PTPRG: variants seen among roughly 807,000 people sequenced by gnomAD.
PTPRG encodes receptor-type tyrosine-protein phosphatase gamma.
A neutral mutation model predicts 165.3 loss-of-function variants in PTPRG; 102 were observed. That is an observed-to-expected ratio of 0.62 (90% CI 0.53 to 0.73). The LOEUF is 0.73. Among genes scored for constraint, PTPRG ranks in the 30% least tolerant of loss-of-function variants. PTPRG has a pLI of 0.00. For synonymous variants in PTPRG, 675 were observed against 669.5 expected, an observed-to-expected ratio of 1.01 and a Z score of -0.13; for missense variants, 1,866 against 1,861.4, an observed-to-expected ratio of 1.00 and a Z score of -0.05.
At chr3:61,907,890 C>T (rs1490414100) in intron 2 of PTPRG, among the ~76,000 whole-genome samples, 1 of 151,462 alleles carries the variant, frequency 6.6e-6, no homozygotes, top group East Asian at 2.0e-4. Context: ...CTTTGGAGGC[C>T]ATGGTGGGAA....
At chr3:61,866,757 C>A (rs1334106192) in intron 2 of PTPRG, among the ~76,000 whole-genome samples, 1 of 151,850 alleles carries the variant, frequency 6.6e-6, no homozygotes, top group East Asian at 1.9e-4. Flanking sequence ...TGCCACCACG[C>A]CCAGCTAATT....
In PTPRG at chr3:62,039,630, C is replaced by T. The variant is rs143315521; in HGVS notation, c.519+36133C>T. ...TGTACAGAACTATTGTTTACCATCC[C>T]GAGAAGTTAATTTCATAGATAGATC... On this transcript the variant is annotated intron_variant, in intron 4 of 29. Coordinates refer to ENST00000474889, the MANE Select transcript of PTPRG (RefSeq NM_002841.4). Among the ~76,000 whole-genome samples, 19 of 152,162 alleles carry T rather than the reference C, an allele frequency of 1.2e-4. No individual in the cohort carries two copies. In the East Asian group the frequency reaches 2.5e-3, roughly 20 times the overall value.
At chr3:62,017,641 G>T (rs1021985351) in intron 4 of PTPRG, among the ~76,000 whole-genome samples, 17 of 148,592 alleles carry the variant, frequency 1.1e-4, no homozygotes, top group African/African-American at 4.2e-4. Context: ...AGCCAGGATG[G>T]TCTCGATCTC....
At chr3:61,865,526 A>G (rs536255133) in intron 2 of PTPRG, among the ~76,000 whole-genome samples, 67 of 152,284 alleles carry the variant, frequency 4.4e-4, no homozygotes, top group African/African-American at 1.5e-3. Context: ...ATCATTCCCT[A>G]TCACCCTAAG....
chr3:62,029,095 G>C (rs56362286), intron 4 of PTPRG, among the ~76,000 whole-genome samples: 57 of 152,216 alleles, frequency 3.7e-4, no homozygotes, highest in Non-Finnish European at 6.9e-4. Flanking sequence ...GGGGCACTTA[G>C]CAGACTCCCT....
At chr3:61,630,718 C>T (rs1701751101) in intron 1 of PTPRG, among the ~76,000 whole-genome samples, 1 of 152,086 alleles carries the variant, frequency 6.6e-6, no homozygotes, top group South Asian at 2.1e-4. Context: ...CGCACACTTG[C>T]CCCAAAGTGC....
chr3:61,563,097 C>T (rs1042294262), intron 1 of PTPRG, among the ~76,000 whole-genome samples: 6 of 151,740 alleles, frequency 4.0e-5, no homozygotes, highest in Admixed American at 6.6e-5. Flanking sequence ...CTCCGCTGCT[C>T]TGCTCGATTG....
chr3:62,194,743 C>T (rs1699918480), intron 9 of PTPRG, among the ~76,000 whole-genome samples: 1 of 151,940 alleles, frequency 6.6e-6, no homozygotes, highest in South Asian at 2.1e-4. Flanking sequence ...ACGGAAGTTG[C>T]AGCGAGCTGA....
At chr3:61,708,079 A>C (rs1229627142) in intron 1 of PTPRG, among the ~76,000 whole-genome samples, 4 of 151,318 alleles carry the variant, frequency 2.6e-5, no homozygotes, top group Admixed American at 2.6e-4. Flanking sequence ...GTGAGCCACC[A>C]CACCCAGTAG....
chr3:62,089,688 C>T (rs1186517177), intron 5 of PTPRG, among the ~76,000 whole-genome samples: 1 of 152,164 alleles, frequency 6.6e-6, no homozygotes, highest in Non-Finnish European at 1.5e-5. Flanking sequence ...CATTCACTCA[C>T]CTCAACAAGC....
intron 1 of PTPRG, among the ~76,000 whole-genome samples, chr3:61,720,806 C>A (rs2032013830): frequency 6.6e-6 from 1 of 152,182 alleles, no homozygotes; most frequent in Non-Finnish European, 1.5e-5. Flanking sequence ...GGATTAATCC[C>A]CGCCAATGGA....
intron 2 of PTPRG, among the ~76,000 whole-genome samples, chr3:61,941,271 T>C (rs1239084511): frequency 6.6e-6 from 1 of 152,244 alleles, no homozygotes; most frequent in Non-Finnish European, 1.5e-5. Context: ...AATCTATGAC[T>C]CTCATTATTA....
At chr3:62,019,804 T>C (rs1257868396) in intron 4 of PTPRG, among the ~76,000 whole-genome samples, 1 of 152,158 alleles carries the variant, frequency 6.6e-6, no homozygotes, top group Non-Finnish European at 1.5e-5. Context: ...AAACAAAAAC[T>C]CTTACAATAA....
chr3:62,094,468 C>A (rs529388486), intron 5 of PTPRG, among the ~76,000 whole-genome samples: 2 of 152,294 alleles, frequency 1.3e-5, no homozygotes, highest in Non-Finnish European at 2.9e-5. Flanking sequence ...GTGCTATGGT[C>A]GTGAGAGCTT....
intron 10 of PTPRG, among the ~76,000 whole-genome samples, chr3:62,200,461 A>G (rs1276765921): frequency 1.3e-5 from 2 of 151,796 alleles, no homozygotes; most frequent in Non-Finnish European, 2.9e-5. Context: ...AGTAGAGATG[A>G]GGTTTCATCA....
intron 26 of PTPRG, among the ~76,000 whole-genome samples, chr3:62,278,612 C>T (rs1016427378): frequency 7.9e-5 from 12 of 152,002 alleles, no homozygotes; most frequent in African/African-American, 2.4e-4. Context: ...CAAGGAAGAA[C>T]AGCATGTGAC....
chr3:61,846,072 A>G (rs551387929), intron 2 of PTPRG, among the ~76,000 whole-genome samples: 10 of 152,344 alleles, frequency 6.6e-5, no homozygotes, highest in South Asian at 2.1e-4. Context: ...CAGCTTGCTC[A>G]TCCATTAAAT....
At chr3:62,265,565 A>C (rs1257731889) in intron 17 of PTPRG, among the ~76,000 whole-genome samples, 1 of 152,128 alleles carries the variant, frequency 6.6e-6, no homozygotes, top group Non-Finnish European at 1.5e-5. Context: ...TTTATTTCTA[A>C]ATAAAATGTT....
chr3:61,752,769 T>C (rs1442840169), intron 2 of PTPRG, among the ~76,000 whole-genome samples: 2 of 93,364 alleles, frequency 2.1e-5, no homozygotes, highest in South Asian at 7.6e-4. Context: ...GCCTGGGTGA[T>C]AGAGCAAGAC....
Sources: gnomAD v4.1 joint callset for allele counts (sites outside exome capture counted in the v4.1 genomes callset) on GRCh38, gnomAD v4.1.1 for gene constraint, MANE v1.5 for transcripts, NCBI Gene and HGNC (gene_info 2026-07-23, HGNC 2026-07-21) for gene names.